Variants in SPATS2 observed in about 807,000 individuals in gnomAD.
The protein encoded by SPATS2 is spermatogenesis associated serine rich 2, also known as spermatogenesis-associated serine-rich protein 2.
A neutral mutation model predicts 63.7 loss-of-function variants in SPATS2; 38 were observed. That is an observed-to-expected ratio of 0.60 (90% CI 0.46 to 0.78). The LOEUF is 0.78. Among genes scored for constraint, SPATS2 ranks in the 30% least tolerant of loss-of-function variants. The pLI is 0.00. For synonymous variants in SPATS2, 207 were observed against 232.9 expected, an observed-to-expected ratio of 0.89 and a Z score of 1.01; for missense variants, 588 against 666.2, an observed-to-expected ratio of 0.88 and a Z score of 1.29.
intron 1 of SPATS2, among the ~76,000 whole-genome samples, chr12:49,368,333 C>CT (rs1943939073): frequency 6.6e-6 from 1 of 152,192 alleles, no homozygotes; most frequent in South Asian, 2.1e-4. Flanking sequence ...TACTTCCCCT[C>CT]TGTTTAGCAG....
intron 2 of SPATS2, among the ~76,000 whole-genome samples, chr12:49,428,448 C>CT (rs1945123000): frequency 6.6e-6 from 1 of 152,160 alleles, no homozygotes; most frequent in Non-Finnish European, 1.5e-5. Context: ...CCTCTTCCCC[C>CT]TAGCCTCTGG....
At chr12:49,425,187 G>C (rs937943163) in intron 2 of SPATS2, among the ~76,000 whole-genome samples, 1 of 151,754 alleles carries the variant, frequency 6.6e-6, no homozygotes, top group African/African-American at 2.4e-5. Context: ...CCTTTTTTTA[G>C]ATTTTTAATT....
At chr12:49,503,153 C>A (rs1490624593) in intron 9 of SPATS2, among the ~76,000 whole-genome samples, 2 of 152,014 alleles carry the variant, frequency 1.3e-5, no homozygotes. Context: ...AGTTCAAGAC[C>A]AGCTTGGCCA....
chr12:49,422,787 T>G (rs754485389), intron 2 of SPATS2, among the ~76,000 whole-genome samples: 1 of 152,062 alleles, frequency 6.6e-6, no homozygotes, highest in South Asian at 2.1e-4. Flanking sequence ...TGGCGTGTGC[T>G]TGTATTCCCA....
intron 2 of SPATS2, among the ~76,000 whole-genome samples, chr12:49,385,782 G>C (rs1944303756): frequency 6.6e-6 from 1 of 152,124 alleles, no homozygotes; most frequent in Non-Finnish European, 1.5e-5. Context: ...TGATTGCCAG[G>C]GAGCATTGAG....
At chr12:49,488,809 T>C (rs1946337946) in intron 4 of SPATS2, among the ~76,000 whole-genome samples, 1 of 152,206 alleles carries the variant, frequency 6.6e-6, no homozygotes, top group Non-Finnish European at 1.5e-5. Context: ...TATGGATATA[T>C]GCACATATCA....
At chr12:49,463,889 CTTAAA>C (rs994313533) in intron 3 of SPATS2, among the ~76,000 whole-genome samples, 10 of 152,140 alleles carry the variant, frequency 6.6e-5, no homozygotes, top group South Asian at 4.1e-4. Context: ...ACTTGAACAG[CTTAAA>C]TTAAATTAAG....
chr12:49,507,637 C>T (rs1463166907), intron 9 of SPATS2, among the ~76,000 whole-genome samples: 1 of 152,030 alleles, frequency 6.6e-6, no homozygotes, highest in African/African-American at 2.4e-5. Context: ...TCCTGCGTTC[C>T]CTTGTGTTCC....
chr12:49,498,139 A>ATAT (rs1555191141), intron 8 of SPATS2, among the ~76,000 whole-genome samples: 10 of 84,244 alleles, frequency 1.2e-4, no homozygotes, highest in African/African-American at 5.1e-4. Flanking sequence ...AGCCAAAAAA[A>ATAT]AAAAAAATAT....
intron 2 of SPATS2, among the ~76,000 whole-genome samples, chr12:49,399,881 C>T (rs1231732639): frequency 6.6e-6 from 1 of 151,926 alleles, no homozygotes; most frequent in Non-Finnish European, 1.5e-5. Flanking sequence ...ACTAAAAATA[C>T]AAAAAATTAG....
intron 9 of SPATS2, among the ~76,000 whole-genome samples, chr12:49,508,386 T>G (rs1946688574): frequency 6.6e-6 from 1 of 152,150 alleles, no homozygotes; most frequent in Non-Finnish European, 1.5e-5. Flanking sequence ...TTTTGTATTT[T>G]TAGTAGAGAC....
intron 2 of SPATS2, among the ~76,000 whole-genome samples, chr12:49,408,252 CT>C (rs201465422): frequency 3.0e-3 from 409 of 137,054 alleles, no homozygotes; most frequent in Middle Eastern, 3.8e-3. Context: ...TAGTATTCTT[CT>C]TTTTTTTTTT....
At chr12:49,407,371 G>A (rs962453813) in intron 2 of SPATS2, among the ~76,000 whole-genome samples, 9 of 152,110 alleles carry the variant, frequency 5.9e-5, no homozygotes, top group African/African-American at 2.2e-4. Context: ...TAGAGTAAAA[G>A]CTAAAGTTGT....
At chr12:49,525,111 T>G (rs916886752) in intron 13 of SPATS2, among the ~76,000 whole-genome samples, 2 of 152,232 alleles carry the variant, frequency 1.3e-5, no homozygotes, top group African/African-American at 4.8e-5. Flanking sequence ...AACTGCTGAC[T>G]TTCTTGTGTT....
chr12:49,471,115 T>C (rs553564522), intron 3 of SPATS2, among the ~76,000 whole-genome samples: 1 of 152,322 alleles, frequency 6.6e-6, no homozygotes, highest in Admixed American at 6.5e-5. Flanking sequence ...CTTCCTTTCC[T>C]GTAAAATGGC....
intron 2 of SPATS2, among the ~76,000 whole-genome samples, chr12:49,385,096 A>C (rs1944289110): frequency 6.6e-6 from 1 of 152,112 alleles, no homozygotes; most frequent in South Asian, 2.1e-4. Context: ...GGTGTGACCC[A>C]CTGCACCCAG....
intron 2 of SPATS2, among the ~76,000 whole-genome samples, chr12:49,456,391 G>T (rs536356570): frequency 6.6e-6 from 1 of 152,338 alleles, no homozygotes; most frequent in Admixed American, 6.5e-5. Flanking sequence ...TATCTAGAGT[G>T]TAAAAGGGAT....
At chr12:49,442,785 T>TAAAAAAAA (rs1945442679) in intron 2 of SPATS2, 5 of 62,914 alleles carry the variant, frequency 7.9e-5, no homozygotes, top group African/African-American at 2.1e-4. Context: ...CCATGTCTCC[T>TAAAAAAAA]TAAAAAAAAA....
upstream of SPATS2, chr12:49,367,329 G>A: frequency 2.6e-6 from 1 of 385,532 alleles, no homozygotes; most frequent in Non-Finnish European, 4.6e-6. Flanking sequence ...GCGAGCCGCT[G>A]CCTGGGCGAG....
Sources: allele counts gnomAD v4.1 joint callset (sites outside exome capture counted in the v4.1 genomes callset), GRCh38; gene constraint gnomAD v4.1.1; transcripts MANE v1.5; gene names NCBI Gene and HGNC (gene_info 2026-07-23, HGNC 2026-07-21).